The following SLC8A1 variants were observed in gnomAD, a reference collection of about 807,000 sequenced individuals.
The protein encoded by SLC8A1 is solute carrier family 8 member A1, also known as sodium/calcium exchanger 1.
In SLC8A1, 18 loss-of-function variants were observed where a neutral mutation model predicts 68.3. That is an observed-to-expected ratio of 0.26 (90% CI 0.18 to 0.39). SLC8A1 has a LOEUF of 0.39. Among genes scored for constraint, SLC8A1 ranks in the 10% least tolerant of loss-of-function variants. The probability of loss-of-function intolerance (pLI) is 1.00; values close to 1 mark genes in which losing one functional copy is unlikely to be tolerated. For synonymous variants in SLC8A1, 475 were observed against 415.5 expected (o/e 1.14, Z -1.74); for missense variants, 985 against 1,156.7 (o/e 0.85, Z 2.15).
chr2:40,399,278 C>A (rs1687942922), intron 2 of SLC8A1, among the ~76,000 whole-genome samples: 15 of 152,014 alleles, frequency 9.9e-5, no homozygotes, highest in Admixed American at 9.8e-4. Context: ...ACGAGATTCA[C>A]TGACACTGTT....
chr2:40,333,253 A>G (rs2076605475), intron 2 of SLC8A1, among the ~76,000 whole-genome samples: 1 of 152,046 alleles, frequency 6.6e-6, no homozygotes, highest in South Asian at 2.1e-4. Context: ...CCTGGCTAAC[A>G]CGGTGAAACT....
chr2:40,252,677 T>TGTC (rs139338100), intron 2 of SLC8A1, among the ~76,000 whole-genome samples: 3,839 of 152,020 alleles, frequency 0.025, 60 homozygotes, highest in Non-Finnish European at 0.036. Context: ...TCTCCAGACC[T>TGTC]GTCATCATAA....
At chr2:40,204,604 A>G (rs1229571164) in intron 2 of SLC8A1, among the ~76,000 whole-genome samples, 1 of 151,988 alleles carries the variant, frequency 6.6e-6, no homozygotes, top group Non-Finnish European at 1.5e-5. Context: ...GGCGGAGCTA[A>G]TGTTGTCTTG....
chr2:40,430,854 G>T (rs77189383), intron 1 of SLC8A1, among the ~76,000 whole-genome samples: 1 of 152,032 alleles, frequency 6.6e-6, no homozygotes, highest in Non-Finnish European at 1.5e-5. Context: ...TATCTTAAAC[G>T]CCAGAGAGCA....
chr2:40,300,678 C>T (rs1337705153), intron 2 of SLC8A1, among the ~76,000 whole-genome samples: 2 of 152,054 alleles, frequency 1.3e-5, no homozygotes, highest in East Asian at 1.9e-4. Context: ...ATTTTGGAGA[C>T]CAGAAACCTA....
intron 2 of SLC8A1, among the ~76,000 whole-genome samples, chr2:40,362,343 A>G (rs1454256096): frequency 6.6e-6 from 1 of 152,186 alleles, no homozygotes; most frequent in African/African-American, 2.4e-5. Flanking sequence ...GTTAGCATAA[A>G]TAATGACAGC....
At chr2:40,170,291 G>T in intron 4 of SLC8A1, 1 of 1,613,866 alleles carries the variant, frequency 6.2e-7, no homozygotes, top group Non-Finnish European at 8.5e-7. Flanking sequence ...CTGCAATGGT[G>T]ATTACAGTAG....
chr2:40,237,917 G>GGGGGTCA (rs1434154598), intron 2 of SLC8A1, among the ~76,000 whole-genome samples: 2 of 134,594 alleles, frequency 1.5e-5, no homozygotes, highest in Non-Finnish European at 3.2e-5. Context: ...TAGGCTGCTC[G>GGGGGTCA]GGGGTCAGGG....
chr2:40,171,742 T>C (rs563546398), intron 4 of SLC8A1, among the ~76,000 whole-genome samples: 4 of 152,314 alleles, frequency 2.6e-5, no homozygotes, highest in African/African-American at 9.6e-5. Context: ...TAAAGTGATA[T>C]GATGAAAAAG....
At chr2:40,286,688 T>C (rs992240357) in intron 2 of SLC8A1, among the ~76,000 whole-genome samples, 3 of 152,190 alleles carry the variant, frequency 2.0e-5, no homozygotes, top group African/African-American at 7.2e-5. Flanking sequence ...CCGGAGCTGA[T>C]GGACAGCTAT....
intron 2 of SLC8A1, among the ~76,000 whole-genome samples, chr2:40,261,463 A>G (rs908572738): frequency 6.6e-6 from 1 of 152,216 alleles, no homozygotes; most frequent in Non-Finnish European, 1.5e-5. Context: ...TGAGGTTGAA[A>G]ATCTCAAACA....
At position 40,174,856 on chromosome 2, in the gene SLC8A1, A is replaced by G; in HGVS notation, c.1913-14T>C. 6.2e-7 allele frequency: 1 copy of G among 1,606,194 alleles called. No individual in the cohort carries two copies. Among genetic ancestry groups the G allele is most frequent in the Non-Finnish European group, 8.5e-7 (1 of 1,173,210 alleles). On this transcript the variant is annotated splice_polypyrimidine_tract_variant and intron_variant, in intron 3 of 7. Transcript: ENST00000406785. Reference sequence around the variant, plus strand: ...TTGTGAAGCCACCTAAAAAAGAAAAAAACAACAACAAATGTTATAATTTGA... The same window carrying G: ...TTGTGAAGCCACCTAAAAAAGAAAAGAACAACAACAAATGTTATAATTTGA...
At chr2:40,214,710 T>C (rs184132138) in intron 2 of SLC8A1, among the ~76,000 whole-genome samples, 1 of 152,144 alleles carries the variant, frequency 6.6e-6, no homozygotes, top group Non-Finnish European at 1.5e-5. Flanking sequence ...AGTGCTGGGA[T>C]TACAGGCGTG....
At chr2:40,255,486 A>T (rs1324574926) in intron 2 of SLC8A1, among the ~76,000 whole-genome samples, 1 of 152,196 alleles carries the variant, frequency 6.6e-6, no homozygotes, top group African/African-American at 2.4e-5. Context: ...CATCAAAAAG[A>T]GGCTGATGTG....
At chr2:40,466,603 A>G (rs116109653) in intron 1 of SLC8A1, among the ~76,000 whole-genome samples, 1,547 of 152,254 alleles carry the variant, frequency 0.01, 30 homozygotes, top group African/African-American at 0.036. Flanking sequence ...GCTTCTTTCT[A>G]TATTACGAGG....
intron 4 of SLC8A1, among the ~76,000 whole-genome samples, chr2:40,169,091 C>T (rs1247821163): frequency 6.6e-6 from 1 of 152,146 alleles, no homozygotes; most frequent in South Asian, 2.1e-4. Context: ...TTTGAGAAAG[C>T]TGTTTCTAAC....
chr2:40,129,108 G>A (rs1228584482), intron 7 of SLC8A1, among the ~76,000 whole-genome samples: 1 of 152,170 alleles, frequency 6.6e-6, no homozygotes, highest in Non-Finnish European at 1.5e-5. Flanking sequence ...GAAATTGTAT[G>A]TACTACAAAT....
At chr2:40,480,640 A>G (rs190639098) in intron 1 of SLC8A1, among the ~76,000 whole-genome samples, 8 of 152,324 alleles carry the variant, frequency 5.3e-5, no homozygotes, top group African/African-American at 1.9e-4. Flanking sequence ...GGTTGAGTGT[A>G]TCAGCTGAAT....
intron 2 of SLC8A1, among the ~76,000 whole-genome samples, chr2:40,199,403 T>G (rs2053708009): frequency 6.6e-6 from 1 of 151,656 alleles, no homozygotes. Flanking sequence ...ATCATAATCA[T>G]ACTACAGAGA....
Sources: gnomAD v4.1 joint callset for allele counts (sites outside exome capture counted in the v4.1 genomes callset) on GRCh38, gnomAD v4.1.1 for gene constraint, MANE v1.5 for transcripts, NCBI Gene and HGNC (gene_info 2026-07-23, HGNC 2026-07-21) for gene names.